The following FMN2 variants were observed in gnomAD, a reference collection of about 807,000 sequenced individuals.
FMN2 encodes the protein formin 2.
FMN2 carries 51 observed loss-of-function variants against 142.3 expected under a neutral mutation model. That is an observed-to-expected ratio of 0.36 (90% CI 0.29 to 0.45). The LOEUF is 0.45. Ranked by LOEUF, FMN2 falls within the 20% of genes least tolerant of loss-of-function variation. FMN2 has a pLI of 1.00. For synonymous variants in FMN2, 882 were observed against 869.8 expected (o/e 1.01, Z -0.25); for missense variants, 1,936 against 2,122.8 (o/e 0.91, Z 1.73).
chr1:240,267,660 C>CTCTTTTTTT (rs1668866385), intron 7 of FMN2, among the ~76,000 whole-genome samples: 1 of 149,560 alleles, frequency 6.7e-6, no homozygotes, highest in Non-Finnish European at 1.5e-5. Context: ...AGACCTGCAA[C>CTCTTTTTTT]TTTAATTAAA....
chr1:240,152,717 G>A (rs2103275032), intron 2 of FMN2, among the ~76,000 whole-genome samples: 1 of 152,240 alleles, frequency 6.6e-6, no homozygotes, highest in Non-Finnish European at 1.5e-5. Flanking sequence ...TCTATTTCTG[G>A]AACCTTTGCT....
intron 16 of FMN2, among the ~76,000 whole-genome samples, chr1:240,460,832 A>G (rs1676426206): frequency 2.0e-5 from 3 of 152,118 alleles, no homozygotes; most frequent in Admixed American, 2.0e-4. Context: ...ACCTCCAAAC[A>G]GAGGTTTTCA....
At chr1:240,183,412 T>A (rs891709050) in intron 3 of FMN2, among the ~76,000 whole-genome samples, 1 of 148,096 alleles carries the variant, frequency 6.8e-6, no homozygotes, top group Admixed American at 6.8e-5. Context: ...AAATATATAA[T>A]ATAATATATA....
chr1:240,469,355 G>A (rs1676737668), intron 16 of FMN2, among the ~76,000 whole-genome samples: 2 of 152,244 alleles, frequency 1.3e-5, no homozygotes, highest in South Asian at 4.2e-4. Context: ...TATATTCAAG[G>A]TTCTGGGGCT....
At chr1:240,443,471 GAGCACTTTGGGAGGCC>G (rs931958121) in intron 16 of FMN2, among the ~76,000 whole-genome samples, 60 of 152,220 alleles carry the variant, frequency 3.9e-4, no homozygotes, top group East Asian at 3.5e-3. Flanking sequence ...TACCTGTAAT[GAGCACTTTGGGAGGCC>G]AGCACTTTGG....
chr1:240,123,729 A>G (rs1446742686), intron 2 of FMN2, among the ~76,000 whole-genome samples: 1 of 152,140 alleles, frequency 6.6e-6, no homozygotes, highest in Non-Finnish European at 1.5e-5. Flanking sequence ...CATCAAATAC[A>G]TTGACGTGGT....
At chr1:240,301,496 C>T (rs187008278) in intron 8 of FMN2, among the ~76,000 whole-genome samples, 58 of 151,948 alleles carry the variant, frequency 3.8e-4, no homozygotes, top group African/African-American at 1.3e-3. Flanking sequence ...CATTTTATAT[C>T]GTTTTTCTTT....
chr1:240,432,394 T>TC (rs1387298733), intron 15 of FMN2, among the ~76,000 whole-genome samples: 1 of 152,002 alleles, frequency 6.6e-6, no homozygotes, highest in Non-Finnish European at 1.5e-5. Flanking sequence ...TCTCTTTTTT[T>TC]CTTCATCAGT....
intron 2 of FMN2, among the ~76,000 whole-genome samples, chr1:240,155,548 T>A (rs2103280961): frequency 6.6e-6 from 1 of 152,294 alleles, no homozygotes; most frequent in East Asian, 1.9e-4. Context: ...CTCAAAGTGC[T>A]GGGATTATGT....
chr1:240,188,364 G>T (rs1665569008), intron 4 of FMN2, 102 bp downstream of exon 4: 1 of 1,246,968 alleles, frequency 8.0e-7, no homozygotes, highest in East Asian at 2.4e-5. Context: ...GGCTGGCTAG[G>T]ATGCCCTTGT....
intron 15 of FMN2, among the ~76,000 whole-genome samples, chr1:240,434,856 G>GTTT (rs58393858): frequency 4.3e-4 from 62 of 144,978 alleles, no homozygotes; most frequent in African/African-American, 1.5e-3. Flanking sequence ...CAGGCTGCTT[G>GTTT]TTTTTTTTTT....
chr1:240,180,856 TGTGCCCGG>T (rs1342558714), intron 3 of FMN2, among the ~76,000 whole-genome samples: 1 of 151,804 alleles, frequency 6.6e-6, no homozygotes, highest in Non-Finnish European at 1.5e-5. Context: ...CATGAGCCAC[TGTGCCCGG>T]GTGACCCCTT....
intron 14 of FMN2, among the ~76,000 whole-genome samples, chr1:240,367,751 G>A (rs1672728896): frequency 1.6e-5 from 2 of 121,946 alleles, no homozygotes; most frequent in African/African-American, 3.4e-5. Context: ...CTGGGTGACA[G>A]AGCGAGACTC....
chr1:240,388,312 T>C (rs1673479849), intron 14 of FMN2, among the ~76,000 whole-genome samples: 1 of 145,744 alleles, frequency 6.9e-6, no homozygotes. Context: ...TGAATAAAAG[T>C]TATTACATCA....
At chr1:240,269,705 C>A (rs1037648773) in intron 7 of FMN2, among the ~76,000 whole-genome samples, 4 of 151,776 alleles carry the variant, frequency 2.6e-5, no homozygotes, top group Non-Finnish European at 2.9e-5. Flanking sequence ...TTATTTATGT[C>A]GTCTTCAATT....
chr1:240,285,726 G>T (rs1669567710), intron 7 of FMN2, among the ~76,000 whole-genome samples: 1 of 152,156 alleles, frequency 6.6e-6, no homozygotes, highest in African/African-American at 2.4e-5. Context: ...GCTGCCAAGG[G>T]TTGAGAAATG....
intron 6 of FMN2, among the ~76,000 whole-genome samples, chr1:240,227,282 A>G (rs891105084): frequency 6.6e-6 from 1 of 152,226 alleles, no homozygotes; most frequent in Non-Finnish European, 1.5e-5. Flanking sequence ...AGCATTGTTG[A>G]AAGAAGTTAA....
chr1:240,120,774 A>T (rs1274877611), intron 1 of FMN2, among the ~76,000 whole-genome samples: 1 of 152,190 alleles, frequency 6.6e-6, no homozygotes, highest in Non-Finnish European at 1.5e-5. Context: ...GAAGGAGGAG[A>T]AATTGTGGCC....
rs1558375225 is a variant in FMN2 at position 240,220,667 on chromosome 1, T to TGTGTG, written c.4065+9432_4065+9433insGTGTG. On this transcript the variant is annotated intron_variant, in intron 6 of 17. Transcript: ENST00000319653. ...AAGCTTCACTGGCATGAGTCTGTGT[T>TGTGTG]TGTGTGTGTGTGTGTGTGTGTGTGT... 2.2e-3 allele frequency among the ~76,000 whole-genome samples: 328 copies of TGTGTG among 149,196 alleles called. 3 individuals carry two copies. Among genetic ancestry groups the TGTGTG allele is most frequent in the South Asian group, 0.018 (83 of 4,644 alleles).
Sources: gnomAD v4.1 joint callset for allele counts (sites outside exome capture counted in the v4.1 genomes callset) on GRCh38, gnomAD v4.1.1 for gene constraint, MANE v1.5 for transcripts, NCBI Gene and HGNC (gene_info 2026-07-23, HGNC 2026-07-21) for gene names.